FRAS1: variants seen among roughly 807,000 people sequenced by gnomAD.
FRAS1 encodes extracellular matrix organizing protein FRAS1.
A neutral mutation model predicts 435.2 loss-of-function variants in FRAS1; 290 were observed. The ratio of observed to expected loss-of-function variants is 0.67; its 90% confidence interval spans 0.61 to 0.73. The LOEUF is 0.73. Among genes scored for constraint, FRAS1 ranks in the 30% least tolerant of loss-of-function variants. The pLI is 0.00. For missense variants in FRAS1, 4,860 were observed against 5,001.5 expected (o/e 0.97, Z 0.85); for synonymous variants, 1,800 against 1,851.0 (o/e 0.97, Z 0.71).
At chr4:78,100,597 G>A (rs1395028937) in intron 2 of FRAS1, among the ~76,000 whole-genome samples, 2 of 152,212 alleles carry the variant, frequency 1.3e-5, no homozygotes, top group African/African-American at 2.4e-5. Context: ...AGCGGCACAG[G>A]CCTTACTCTC....
chr4:78,490,649 A>C (rs1418498325), intron 59 of FRAS1, among the ~76,000 whole-genome samples: 1 of 152,240 alleles, frequency 6.6e-6, no homozygotes, highest in Non-Finnish European at 1.5e-5. Context: ...AACACAGCTA[A>C]AGCAATGTTT....
Position 78,096,259 on chromosome 4 carries a change from G to A in FRAS1, c.108+30243G>A, listed in dbSNP as rs999501100. The stretch of plus-strand genomic sequence containing the variant: ...CAAGAGGGGGGTTCCCATGGTCTTG[G>A]GAAGCTCCATCCCTGTGGCTTTGCC... On this transcript the variant is annotated intron_variant, in intron 2 of 73. Coordinates refer to ENST00000512123, the MANE Select transcript of FRAS1 (RefSeq NM_025074.7). Among the ~76,000 whole-genome samples, 7 of 152,284 alleles carry A rather than the reference G, an allele frequency of 4.6e-5. No homozygotes were observed. In the East Asian group the frequency reaches 5.8e-4, roughly 13 times the overall value.
At chr4:78,511,225 C>T (rs764260936) in intron 63 of FRAS1, 49 bp from the exon 64 acceptor site, 3 of 1,383,060 alleles carry the variant, frequency 2.2e-6, no homozygotes, top group Non-Finnish European at 3.0e-6. Context: ...ATGTAAGGAG[C>T]TGTTTAAGTA....
At chr4:78,538,680 C>A (rs903219720) in intron 72 of FRAS1, among the ~76,000 whole-genome samples, 1 of 152,094 alleles carries the variant, frequency 6.6e-6, no homozygotes, top group Admixed American at 6.5e-5. Context: ...GAGGTCCGGG[C>A]GCGGTGGCTC....
chr4:78,164,198 C>A (rs1560558410), intron 2 of FRAS1, among the ~76,000 whole-genome samples: 2 of 152,104 alleles, frequency 1.3e-5, no homozygotes, highest in Non-Finnish European at 2.9e-5. Flanking sequence ...CAACCGTAGG[C>A]AGGAAGGGAA....
At chr4:78,502,593 A>G (rs1417003948) in intron 61 of FRAS1, among the ~76,000 whole-genome samples, 1 of 152,190 alleles carries the variant, frequency 6.6e-6, no homozygotes, top group Non-Finnish European at 1.5e-5. Flanking sequence ...GAAGTTGCTT[A>G]TCAGCTTAGG....
chr4:78,151,351 T>C (rs1560551525), intron 2 of FRAS1, among the ~76,000 whole-genome samples: 1 of 152,122 alleles, frequency 6.6e-6, no homozygotes, highest in East Asian at 1.9e-4. Context: ...GCATCTACCA[T>C]GTGCCAGTCA....
intron 59 of FRAS1, among the ~76,000 whole-genome samples, chr4:78,491,602 GC>G (rs1382068635): frequency 2.6e-5 from 4 of 152,034 alleles, no homozygotes; most frequent in Non-Finnish European, 5.9e-5. Flanking sequence ...AACTTTAACA[GC>G]CCTTCATGAT....
intron 2 of FRAS1, among the ~76,000 whole-genome samples, chr4:78,168,712 C>A (rs1440916562): frequency 6.6e-6 from 1 of 151,946 alleles, no homozygotes; most frequent in African/African-American, 2.4e-5. Context: ...TAATTTTTTT[C>A]CCTATAGAGA....
At position 78,464,432 on chromosome 4, in the gene FRAS1, T is replaced by C; in HGVS notation, c.6889-11T>C. ...GACAGGTGTCCCACCTGCACTTTCC[T>C]GCCATTCTAGGTGACTCAGACTTTC... On this transcript the variant is annotated splice_polypyrimidine_tract_variant and intron_variant, in intron 48 of 73. Coordinates refer to ENST00000512123, the MANE Select transcript of FRAS1 (RefSeq NM_025074.7). 2 of 1,613,944 alleles carry C rather than the reference T, an allele frequency of 1.2e-6. No homozygotes were observed. Among genetic ancestry groups the C allele is most frequent in the Non-Finnish European group, 1.7e-6 (2 of 1,179,840 alleles).
At chr4:78,247,075 C>T (rs1001697682) in intron 4 of FRAS1, among the ~76,000 whole-genome samples, 1 of 152,126 alleles carries the variant, frequency 6.6e-6, no homozygotes, top group African/African-American at 2.4e-5. Context: ...ATCTTAAGGG[C>T]ATGTTGGTCA....
At chr4:78,180,369 A>G (rs918023313) in intron 2 of FRAS1, among the ~76,000 whole-genome samples, 3 of 152,260 alleles carry the variant, frequency 2.0e-5, no homozygotes, top group African/African-American at 7.2e-5. Flanking sequence ...TCCACACAGA[A>G]TAAAATTTGA....
chr4:78,078,667 T>G (rs1209435726), intron 2 of FRAS1, among the ~76,000 whole-genome samples: 2 of 151,962 alleles, frequency 1.3e-5, no homozygotes, highest in African/African-American at 4.8e-5. Context: ...ACAAAAAAAT[T>G]TAAAAATGTA....
chr4:78,288,663 T>A (rs371737194), intron 14 of FRAS1, among the ~76,000 whole-genome samples: 5 of 152,128 alleles, frequency 3.3e-5, no homozygotes, highest in African/African-American at 1.2e-4. Flanking sequence ...GCTGGTTGCA[T>A]TTTTATGCAT....
chr4:78,308,866 A>C (rs1231869182), intron 15 of FRAS1, among the ~76,000 whole-genome samples: 2 of 152,190 alleles, frequency 1.3e-5, no homozygotes, highest in Non-Finnish European at 2.9e-5. Flanking sequence ...TAATAGTAGC[A>C]CCTGTGGAAG....
intron 4 of FRAS1, among the ~76,000 whole-genome samples, chr4:78,249,965 A>G (rs1725453358): frequency 6.6e-6 from 1 of 152,116 alleles, no homozygotes; most frequent in Non-Finnish European, 1.5e-5. Context: ...AATAAAATGA[A>G]GTTTACTTCA....
chr4:78,501,611 A>C (rs958379747), intron 61 of FRAS1, among the ~76,000 whole-genome samples: 1 of 152,158 alleles, frequency 6.6e-6, no homozygotes, highest in South Asian at 2.1e-4. Flanking sequence ...ATTTCTCCAC[A>C]TCCTCTCCAG....
At chr4:78,101,587 G>A (rs769556350) in intron 2 of FRAS1, among the ~76,000 whole-genome samples, 1 of 151,858 alleles carries the variant, frequency 6.6e-6, no homozygotes, top group Non-Finnish European at 1.5e-5. Context: ...AGTTACCTAT[G>A]GCAGAAAATA....
At chr4:78,094,183 T>A (rs1204127636) in intron 2 of FRAS1, among the ~76,000 whole-genome samples, 1 of 150,020 alleles carries the variant, frequency 6.7e-6, no homozygotes, top group Non-Finnish European at 1.5e-5. Context: ...CTATATTATC[T>A]ATATATTTTC....
Sources: gnomAD v4.1 joint callset for allele counts (sites outside exome capture counted in the v4.1 genomes callset) on GRCh38, gnomAD v4.1.1 for gene constraint, MANE v1.5 for transcripts, NCBI Gene and HGNC (gene_info 2026-07-23, HGNC 2026-07-21) for gene names.